NALF1: variants seen among roughly 807,000 people sequenced by gnomAD.
NALF1 encodes the protein NALCN channel auxiliary factor 1.
A neutral mutation model predicts 48.4 loss-of-function variants in NALF1; 3 were observed. The observed-to-expected ratio is 0.06, with a 90% CI of 0.03 to 0.16. The LOEUF is 0.16. Ranked by LOEUF, NALF1 falls within the 10% of genes least tolerant of loss-of-function variation. The probability of loss-of-function intolerance (pLI) is 1.00; values close to 1 mark genes in which losing one functional copy is unlikely to be tolerated. For synonymous variants in NALF1, 262 were observed against 245.7 expected, an observed-to-expected ratio of 1.07 and a Z score of -0.62; for missense variants, 526 against 571.5, an observed-to-expected ratio of 0.92 and a Z score of 0.81.
At chr13:107,389,572 G>C (rs1360079844) in intron 1 of NALF1, among the ~76,000 whole-genome samples, 1 of 152,080 alleles carries the variant, frequency 6.6e-6, no homozygotes, top group African/African-American at 2.4e-5. Context: ...ATTTTCTGTT[G>C]ATTAAGCTAC....
At chr13:107,267,012 C>A (rs113482997) in intron 1 of NALF1, among the ~76,000 whole-genome samples, 1 of 152,152 alleles carries the variant, frequency 6.6e-6, no homozygotes, top group Non-Finnish European at 1.5e-5. Context: ...TTCATGTTCT[C>A]ATCTGTTTTG....
At chr13:107,851,552 A>G (rs1266065338) in intron 1 of NALF1, among the ~76,000 whole-genome samples, 1 of 152,062 alleles carries the variant, frequency 6.6e-6, no homozygotes, top group Non-Finnish European at 1.5e-5. Context: ...TAAAATTACT[A>G]TTTTGTAATT....
At position 107,210,607 on chromosome 13, in the gene NALF1, C is replaced by A; in HGVS notation, c.1064G>T (p.Gly355Val). The A allele has an allele frequency of 6.2e-7, 1 of 1,613,342 alleles. No homozygotes were observed. Among genetic ancestry groups the A allele is most frequent in the Non-Finnish European group, 8.5e-7 (1 of 1,179,348 alleles). ...LPDNDEVIYG[G>V]LSSFICTGLY... Reference sequence around the variant, plus strand: ...ACCTGTACAGATGAAACTGGAGAGGCCTCCGTAGATGACTTCATCATTGTC... The same window carrying A: ...ACCTGTACAGATGAAACTGGAGAGGACTCCGTAGATGACTTCATCATTGTC... The change falls in exon 2 of 3, where the codon GGC becomes GTC. Residue 355 changes from glycine to valine, a missense_variant. Coordinates refer to ENST00000375915, the MANE Select transcript of NALF1 (RefSeq NM_001080396.3).
At chr13:107,485,948 C>T (rs1448248932) in intron 1 of NALF1, among the ~76,000 whole-genome samples, 1 of 152,200 alleles carries the variant, frequency 6.6e-6, no homozygotes, top group Non-Finnish European at 1.5e-5. Flanking sequence ...CTTGAGAAAA[C>T]TTGCCCAGAT....
chr13:107,203,374 T>C (rs1032727279), intron 2 of NALF1, among the ~76,000 whole-genome samples: 19 of 152,332 alleles, frequency 1.2e-4, no homozygotes, highest in African/African-American at 4.6e-4. Context: ...CTACATGCTT[T>C]GATTCAGCTT....
chr13:107,791,786 C>T (rs867684822), intron 1 of NALF1, among the ~76,000 whole-genome samples: 43 of 151,890 alleles, frequency 2.8e-4, no homozygotes, highest in African/African-American at 6.8e-4. Flanking sequence ...CCCGCCCCCC[C>T]CCGTCTCTAC....
intron 1 of NALF1, among the ~76,000 whole-genome samples, chr13:107,750,174 T>C (rs1360208279): frequency 6.6e-6 from 1 of 152,158 alleles, no homozygotes; most frequent in Non-Finnish European, 1.5e-5. Context: ...TGGTCGCCAC[T>C]TGCCCAGTGG....
At chr13:107,776,660 A>C (rs1376134072) in intron 1 of NALF1, among the ~76,000 whole-genome samples, 2 of 152,258 alleles carry the variant, frequency 1.3e-5, no homozygotes, top group African/African-American at 2.4e-5. Context: ...GTTGAGTAGG[A>C]AACAATTGCC....
At chr13:107,606,777 T>A (rs534630454) in intron 1 of NALF1, among the ~76,000 whole-genome samples, 2 of 152,156 alleles carry the variant, frequency 1.3e-5, no homozygotes, top group African/African-American at 4.8e-5. Flanking sequence ...AGTGAGTTGG[T>A]TGGTTGGTTG....
At chr13:107,815,567 G>C (rs147041804) in intron 1 of NALF1, among the ~76,000 whole-genome samples, 29 of 152,266 alleles carry the variant, frequency 1.9e-4, no homozygotes, top group African/African-American at 7.0e-4. Flanking sequence ...TAGTAGAAGT[G>C]TAAAATACAG....
At chr13:107,619,696 A>G (rs1285476105) in intron 1 of NALF1, among the ~76,000 whole-genome samples, 2 of 152,178 alleles carry the variant, frequency 1.3e-5, no homozygotes, top group Non-Finnish European at 2.9e-5. Flanking sequence ...AGGTACTTAG[A>G]AATCATCAAG....
intron 1 of NALF1, among the ~76,000 whole-genome samples, chr13:107,546,769 T>C (rs1877147229): frequency 6.6e-6 from 1 of 152,206 alleles, no homozygotes. Flanking sequence ...TATTGTGATA[T>C]ACGACTACCA....
intron 1 of NALF1, among the ~76,000 whole-genome samples, chr13:107,332,106 G>T (rs1349967395): frequency 6.6e-6 from 1 of 152,114 alleles, no homozygotes; most frequent in Non-Finnish European, 1.5e-5. Context: ...TTAGGTCTTT[G>T]CAAACAAACC....
intron 1 of NALF1, among the ~76,000 whole-genome samples, chr13:107,768,991 TA>T (rs911423491): frequency 1.3e-4 from 20 of 152,006 alleles, no homozygotes; most frequent in African/African-American, 4.8e-4. Context: ...TACAATGAGA[TA>T]CCATCTCACA....
chr13:107,780,537 C>T (rs935756289), intron 1 of NALF1, among the ~76,000 whole-genome samples: 6 of 151,272 alleles, frequency 4.0e-5, no homozygotes, highest in African/African-American at 1.5e-4. Flanking sequence ...GTCTCACTGT[C>T]ACCCAGGCTG....
chr13:107,507,966 G>A (rs1180281254), intron 1 of NALF1, among the ~76,000 whole-genome samples: 4 of 151,984 alleles, frequency 2.6e-5, no homozygotes, highest in African/African-American at 4.8e-5. Context: ...TTTCTGCTCC[G>A]AAATCCCACT....
In NALF1 at chr13:107,858,882, G is replaced by T. The variant is rs188208347; in HGVS notation, c.915+6800C>A. The stretch of plus-strand genomic sequence containing the variant: ...ACCTGCTATTAAAGATTGCTCTAGG[G>T]CTTAAATTTCTGGGTGATTTAAGTC... On this transcript the variant is annotated intron_variant, in intron 1 of 2. Transcript: ENST00000375915. Among the ~76,000 whole-genome samples, 11 of 152,254 alleles carry T rather than the reference G, an allele frequency of 7.2e-5. No individual in the cohort carries two copies. The East Asian group carries it at 1.7e-3, about 24-fold the overall frequency.
chr13:107,783,130 GC>G (rs557704792), intron 1 of NALF1, among the ~76,000 whole-genome samples: 1,803 of 119,626 alleles, frequency 0.015, 53 homozygotes, highest in African/African-American at 0.055. Context: ...CTGCCCGGCC[GC>G]CCCTACTGGG....
At chr13:107,483,090 T>G (rs1885278427) in intron 1 of NALF1, among the ~76,000 whole-genome samples, 1 of 152,164 alleles carries the variant, frequency 6.6e-6, no homozygotes, top group Non-Finnish European at 1.5e-5. Flanking sequence ...CCTTGTGAGC[T>G]CCCGTATGTA....
Sources: allele counts gnomAD v4.1 joint callset (sites outside exome capture counted in the v4.1 genomes callset), GRCh38; gene constraint gnomAD v4.1.1; transcripts MANE v1.5; gene names NCBI Gene and HGNC (gene_info 2026-07-23, HGNC 2026-07-21).